The following ARHGAP15 variants were observed in gnomAD, a reference collection of about 807,000 sequenced individuals.
The protein encoded by ARHGAP15 is rho GTPase-activating protein 15.
Under a neutral mutation model 63.7 loss-of-function variants are expected in ARHGAP15, and 51 were observed. The ratio of observed to expected loss-of-function variants is 0.80; its 90% CI spans 0.64 to 1.01. The LOEUF (loss-of-function observed/expected upper bound fraction) is 1.01. ARHGAP15 is among the 50% of genes least tolerant of loss of function. ARHGAP15 has a pLI of 0.00. For synonymous variants in ARHGAP15, 191 were observed against 193.8 expected (o/e 0.99, Z 0.12); for missense variants, 560 against 564.6 (o/e 0.99, Z 0.08).
intron 6 of ARHGAP15, among the ~76,000 whole-genome samples, chr2:143,418,796 C>T (rs1416775223): frequency 2.0e-5 from 3 of 152,100 alleles, no homozygotes; most frequent in Non-Finnish European, 4.4e-5. Flanking sequence ...ACAGGGGTCT[C>T]TCTGTATCTG....
chr2:143,317,386 ATG>A (rs1251812999), intron 6 of ARHGAP15, among the ~76,000 whole-genome samples: 1 of 152,246 alleles, frequency 6.6e-6, no homozygotes, highest in Non-Finnish European at 1.5e-5. Context: ...CATAAAATAT[ATG>A]CTTTTGAGAA....
chr2:143,590,015 A>G lies in ARHGAP15; in HGVS notation c.1003+33530A>G, dbSNP rs1038196810. On this transcript the variant is annotated intron_variant, in intron 11 of 13. Transcript: ENST00000295095. ...ACAGGATACTTGACTTGCACAGAAA[A>G]ATATCAGTGAAGATAGTAAGGATTA... Among the ~76,000 whole-genome samples, 21 of 152,290 alleles carry G rather than the reference A, an allele frequency of 1.4e-4. 1 individual carries two copies. The highest frequency in any genetic ancestry group is 7.8e-4 in the Admixed American group (12 of 15,294).
chr2:143,412,280 C>T (rs1041021653), intron 6 of ARHGAP15, among the ~76,000 whole-genome samples: 3 of 151,968 alleles, frequency 2.0e-5, no homozygotes, highest in East Asian at 1.9e-4. Flanking sequence ...AAGAACAAAA[C>T]GGAAATGGAT....
chr2:143,461,273 C>T (rs187123276), intron 8 of ARHGAP15, among the ~76,000 whole-genome samples: 1 of 90,410 alleles, frequency 1.1e-5, no homozygotes, highest in East Asian at 3.6e-4. Context: ...GAATGAGACT[C>T]TGTCTCTCAA....
At chr2:143,363,859 C>T (rs1050228858) in intron 6 of ARHGAP15, among the ~76,000 whole-genome samples, 1 of 152,036 alleles carries the variant, frequency 6.6e-6, no homozygotes, top group Non-Finnish European at 1.5e-5. Flanking sequence ...GGGTTCCAAA[C>T]AATAGAAACT....
At position 143,313,100 on chromosome 2, in the gene ARHGAP15, T is replaced by C. The variant is rs574376486; in HGVS notation, c.474+62500T>C. On this transcript the variant is annotated intron_variant, in intron 6 of 13. Transcript: ENST00000295095. ...TCAAGTGGCTGGAAAAATTCCTAAC[T>C]GTATGTTAAAAATGACTCAGGAGAG... Among the ~76,000 whole-genome samples, 4 of 152,150 alleles carry C rather than the reference T, an allele frequency of 2.6e-5. No individual in the cohort carries two copies. In the East Asian group the frequency reaches 7.7e-4, roughly 29 times the overall value.
chr2:143,730,789 A>G (rs981084529), intron 13 of ARHGAP15, among the ~76,000 whole-genome samples: 1 of 151,292 alleles, frequency 6.6e-6, no homozygotes, highest in African/African-American at 2.4e-5. Context: ...AGTGGCTTCC[A>G]GATACATATA....
At chr2:143,614,500 G>A (rs1288254106) in intron 11 of ARHGAP15, among the ~76,000 whole-genome samples, 1 of 152,094 alleles carries the variant, frequency 6.6e-6, no homozygotes, top group Non-Finnish European at 1.5e-5. Context: ...TAAACAAAGA[G>A]AATACAAAAA....
At chr2:143,460,643 T>A (rs1055155734) in intron 8 of ARHGAP15, among the ~76,000 whole-genome samples, 5 of 152,144 alleles carry the variant, frequency 3.3e-5, no homozygotes, top group African/African-American at 1.2e-4. Flanking sequence ...TAATATCATT[T>A]TTTCCCTCAG....
Position 143,768,315 on chromosome 2 carries a change from T to A in ARHGAP15, c.*143T>A. The A allele has an allele frequency of 1.3e-6, 1 of 783,340 alleles. No individual in the cohort carries two copies. The highest frequency in any genetic ancestry group is 2.0e-6 in the Non-Finnish European group (1 of 497,668). The allele number at this position is 783,340 out of a possible 1,614,324, so 48.5% of individuals were successfully genotyped here. A position where few individuals can be genotyped will look rare whatever the true frequency, so the allele number is the denominator to read the frequency against. ...GTGAAAACTTAATGATGATTTTGTG[T>A]TTAAGTTCCAAACATTTGAATAAAA... On this transcript the variant is annotated 3_prime_UTR_variant, in exon 14 of 14. Transcript: ENST00000295095.
In ARHGAP15 at chr2:143,202,153, A is replaced by G. The variant is rs149299444; in HGVS notation, c.185A>G (p.Asn62Ser). The change falls in exon 3 of 14, where the codon AAT becomes AGT. Residue 62 changes from asparagine (N) to serine (S), a missense_variant. Transcript: ENST00000295095. ...TTGCAGATATCCAGACACAGAAGGA[A>G]TCATTCACAGCATATCTTGAAAGAT... ...VTEPISRHRR[N>S]HSQHILKDVI... The G allele has an allele frequency of 2.7e-4, 429 of 1,612,254 alleles. 4 individuals are homozygous for G. The Admixed American group carries it at 6.9e-3, about 26-fold the overall frequency.
chr2:143,353,737 C>T (rs886716241), intron 6 of ARHGAP15, among the ~76,000 whole-genome samples: 32 of 152,000 alleles, frequency 2.1e-4, no homozygotes, highest in African/African-American at 7.5e-4. Context: ...TGTTGATTGA[C>T]TGGGAAACTA....
rs542289899 is a variant in ARHGAP15, at chr2:143,640,178, G to A, written c.1138+15911G>A. On this transcript the variant is annotated intron_variant, in intron 12 of 13. Transcript: ENST00000295095. ...ATTTCTTACTGATCTTTGTAGTTCC[G>A]GCACTAAATGAATTTTTAAAACAAT... Among the ~76,000 whole-genome samples the A allele has an allele frequency of 9.4e-4, 143 of 152,038 alleles. 3 individuals carry two copies. In the South Asian group the frequency reaches 0.019, roughly 20 times the overall value.
At chr2:143,311,096 T>G (rs192703817) in intron 6 of ARHGAP15, among the ~76,000 whole-genome samples, 64 of 152,168 alleles carry the variant, frequency 4.2e-4, no homozygotes, top group African/African-American at 1.5e-3. Context: ...TTAGAGAATT[T>G]GGTACATTTA....
chr2:143,366,655 T>C (rs926547848), intron 6 of ARHGAP15, among the ~76,000 whole-genome samples: 10 of 152,120 alleles, frequency 6.6e-5, no homozygotes, highest in African/African-American at 2.2e-4. Context: ...AAAATCTATA[T>C]GTTTCAGTTT....
chr2:143,251,164 A>G (rs780498617), intron 6 of ARHGAP15, among the ~76,000 whole-genome samples: 1 of 151,960 alleles, frequency 6.6e-6, no homozygotes, highest in Non-Finnish European at 1.5e-5. Flanking sequence ...CTTGAGAGAG[A>G]TAAAATTGGA....
intron 10 of ARHGAP15, 52 bp downstream of exon 10, chr2:143,519,416 A>G: frequency 6.9e-7 from 1 of 1,446,744 alleles, no homozygotes; most frequent in Non-Finnish European, 9.7e-7. Flanking sequence ...CCTCTACACA[A>G]CCAATACTCA....
At chr2:143,659,410 T>C (rs1426930134) in intron 12 of ARHGAP15, among the ~76,000 whole-genome samples, 1 of 152,186 alleles carries the variant, frequency 6.6e-6, no homozygotes, top group Admixed American at 6.5e-5. Context: ...TTCATTAAAT[T>C]TTTTTAAAAA....
chr2:143,501,438 T>C (rs955453338), intron 9 of ARHGAP15, among the ~76,000 whole-genome samples: 1 of 152,166 alleles, frequency 6.6e-6, no homozygotes. Context: ...AGAAATAATA[T>C]CGAAAGAGGA....
Sources: allele counts gnomAD v4.1 joint callset (sites outside exome capture counted in the v4.1 genomes callset), GRCh38; gene constraint gnomAD v4.1.1; transcripts MANE v1.5; gene names NCBI Gene and HGNC (gene_info 2026-07-23, HGNC 2026-07-21).